The following ZNF568 variants were observed in gnomAD, a reference collection of about 807,000 sequenced individuals.
ZNF568 encodes p53 inhibitor of SCO2 activation.
A neutral mutation model predicts 18.1 loss-of-function variants in ZNF568; 11 were observed. The ratio of observed to expected loss-of-function variants is 0.61; its 90% CI spans 0.38 to 1.00. The LOEUF is 1.00. ZNF568 is among the 50% of genes least tolerant of loss of function. ZNF568 has a pLI of 0.01. For missense variants in ZNF568, 639 were observed against 768.2 expected, an observed-to-expected ratio of 0.83 and a Z score of 1.99; for synonymous variants, 213 against 246.6, an observed-to-expected ratio of 0.86 and a Z score of 1.28.
chr19:36,990,629 G>A (rs2074415650), intron 2 of ZNF568, among the ~76,000 whole-genome samples: 1 of 151,996 alleles, frequency 6.6e-6, no homozygotes, highest in South Asian at 2.1e-4. Context: ...ACAAAAAATT[G>A]TTGAAAAATA....
intron 4 of ZNF568, chr19:36,996,255 A>C: frequency 8.1e-7 from 1 of 1,237,110 alleles, no homozygotes; most frequent in Non-Finnish European, 1.1e-6. Flanking sequence ...TTCTACTTTC[A>C]GGACTTTTCT....
downstream of ZNF568, among the ~76,000 whole-genome samples, chr19:36,954,835 C>G (rs191360647): frequency 1.0e-3 from 156 of 152,158 alleles, no homozygotes; most frequent in South Asian, 5.4e-3. Context: ...CCTTGGCCTC[C>G]CAAAGTGCTG....
At chr19:36,942,460 G>A (rs1037118416) in intron 6 of ZNF568, among the ~76,000 whole-genome samples, 8 of 151,538 alleles carry the variant, frequency 5.3e-5, no homozygotes, top group Non-Finnish European at 1.0e-4. Flanking sequence ...CTAGCCAGGC[G>A]TGGTGGCGGG....
At chr19:36,963,851 C>T (rs1568399733) in intron 6 of ZNF568, among the ~76,000 whole-genome samples, 2 of 152,030 alleles carry the variant, frequency 1.3e-5, no homozygotes, top group South Asian at 2.1e-4. Flanking sequence ...CCTGTAGTCC[C>T]AGCTACTCAG....
intron 4 of ZNF568, among the ~76,000 whole-genome samples, chr19:36,929,943 A>G (rs2073655021): frequency 2.3e-5 from 2 of 87,042 alleles, no homozygotes; most frequent in East Asian, 4.5e-4. Flanking sequence ...AAGCGTGTTC[A>G]TGTTTTTTTT....
Position 36,950,559 on chromosome 19 carries a change from C to A in ZNF568, c.1406C>A (p.Thr469Asn), listed in dbSNP as rs1754489189. The A allele has an allele frequency of 6.2e-7, 1 of 1,613,480 alleles. No individual in the cohort carries two copies. Among genetic ancestry groups the A allele is most frequent in the African/African-American group, 1.3e-5 (1 of 74,908 alleles). Residue 469 changes from threonine to asparagine, a missense_variant, in exon 7 of 7, where the codon ACT (threonine) becomes AAT (asparagine). Thr to Asn is a moderately conservative substitution (Grantham distance 65, BLOSUM62 0). Transcript: ENST00000333987. The stretch of plus-strand genomic sequence containing the variant: ...CTCATTACACATCAGAAAATTCACA[C>A]TGGAGAGAAACCTTATGAATGCAGT... ...ENLITHQKIH[T>N]GEKPYECSEC...
downstream of ZNF568, chr19:36,997,596 T>A: frequency 6.4e-7 from 1 of 1,563,474 alleles, no homozygotes; most frequent in Non-Finnish European, 8.6e-7. Context: ...CAGAACTTAG[T>A]TGACACCAGA....
intron 6 of ZNF568, among the ~76,000 whole-genome samples, chr19:36,960,054 C>T (rs2074136121): frequency 7.8e-6 from 1 of 128,340 alleles, no homozygotes; most frequent in South Asian, 2.5e-4. Context: ...TTGGCTTTTT[C>T]TTGTTTTCTA....
downstream of ZNF568, among the ~76,000 whole-genome samples, chr19:36,953,537 C>T (rs555751292): frequency 6.6e-6 from 1 of 152,102 alleles, no homozygotes; most frequent in African/African-American, 2.4e-5. Context: ...TGAACCAACC[C>T]TTACAGAGGT....
At chr19:36,928,343 G>A (rs189560516) in intron 4 of ZNF568, among the ~76,000 whole-genome samples, 1 of 152,156 alleles carries the variant, frequency 6.6e-6, no homozygotes, top group African/African-American at 2.4e-5. Context: ...CTCAGAACCT[G>A]TGATTTCAAA....
chr19:36,974,913 GCCT>G (rs1256666222), intron 7 of ZNF568, among the ~76,000 whole-genome samples: 2 of 141,696 alleles, frequency 1.4e-5, no homozygotes, highest in African/African-American at 2.7e-5. Flanking sequence ...TGCAACCTCC[GCCT>G]CCTCGGTTCT....
At chr19:36,954,247 G>A (rs2074091291), downstream of ZNF568, among the ~76,000 whole-genome samples, 1 of 152,002 alleles carries the variant, frequency 6.6e-6, no homozygotes, top group African/African-American at 2.4e-5. Flanking sequence ...ACAATACAAA[G>A]GAGATAAAAA....
chr19:36,948,710 C>T lies in ZNF568; in HGVS notation c.359-802C>T, dbSNP rs1413006544. ...AGATTTCCTACATAGATGATCACAT[C>T]ACCTGTGAACAAAGACAGTTGTTGT... On this transcript the variant is annotated intron_variant, in intron 6 of 6. Coordinates refer to ENST00000333987, the MANE Select transcript of ZNF568 (RefSeq NM_198539.4). Among the ~76,000 whole-genome samples the T allele has an allele frequency of 3.9e-5, 5 of 127,392 alleles. No individual in the cohort carries two copies. The East Asian group carries it at 1.4e-3, about 36-fold the overall frequency. 83.6% of individuals were successfully genotyped at this position (127,392 alleles called of 152,430 possible). A position where few individuals can be genotyped will look rare whatever the true frequency, so the allele number is the denominator to read the frequency against.
chr19:36,979,631 T>C (rs1322476013), exon 8 of ZNF568: 1 of 152,252 alleles, frequency 6.6e-6, no homozygotes, highest in Non-Finnish European at 1.5e-5. Flanking sequence ...TGCAAACTTA[T>C]CCTACTGTAT....
exon 5 of ZNF568, chr19:36,997,170 G>A (rs1163407337): frequency 6.3e-7 from 1 of 1,594,828 alleles, no homozygotes; most frequent in Admixed American, 1.7e-5. Flanking sequence ...GTGCCTCACA[G>A]CTGAGTCTAC....
At chr19:36,939,059 G>C (rs2073835855) in intron 6 of ZNF568, among the ~76,000 whole-genome samples, 1 of 152,212 alleles carries the variant, frequency 6.6e-6, no homozygotes, top group African/African-American at 2.4e-5. Flanking sequence ...TTGGTAAGAA[G>C]TCTCTATACC....
At position 36,949,739 on chromosome 19, in the gene ZNF568, A is replaced by G. The variant is rs1276049147; in HGVS notation, c.586A>G (p.Lys196Glu). Residue 196 changes from lysine to glutamate, a missense_variant, in exon 7 of 7, where the codon AAA becomes GAA. Physicochemically the swap from Lys to Glu is moderately conservative, Grantham distance 56. Coordinates refer to ENST00000333987, the MANE Select transcript of ZNF568 (RefSeq NM_198539.4). ...TAATTTAGACTTACTTAGATATGAG[A>G]AAGGCTGTGTAAGAGAGAAACAGAG... ...EHNLDLLRYE[K>E]GCVREKQSNE... is the part of the protein sequence containing the mutation. 6.2e-7 allele frequency: 1 copy of G among 1,613,866 alleles called. No individual in the cohort carries two copies. The highest frequency in any genetic ancestry group is 1.3e-5 in the African/African-American group (1 of 74,932).
At chr19:36,993,973 G>T (rs1441068855) in intron 4 of ZNF568, among the ~76,000 whole-genome samples, 4 of 144,128 alleles carry the variant, frequency 2.8e-5, no homozygotes, top group Non-Finnish European at 3.0e-5. Flanking sequence ...TTATTATCTG[G>T]TTCCTTAAGA....
At chr19:36,997,483 A>C, downstream of ZNF568, 1 of 1,588,426 alleles carries the variant, frequency 6.3e-7, no homozygotes, top group Non-Finnish European at 8.5e-7. Context: ...GGAATGTGGG[A>C]AGGCTTTCAT....
Sources: gnomAD v4.1 joint callset for allele counts (sites outside exome capture counted in the v4.1 genomes callset) on GRCh38, gnomAD v4.1.1 for gene constraint, MANE v1.5 for transcripts, NCBI Gene and HGNC (gene_info 2026-07-23, HGNC 2026-07-21) for gene names.